The following MPPED2 variants were observed in gnomAD, a reference collection of about 807,000 sequenced individuals.
MPPED2 encodes the protein metallophosphoesterase domain containing 2, also known as metallophosphoesterase MPPED2.
Under a neutral mutation model 33.0 loss-of-function variants are expected in MPPED2, and 5 were observed. That is an observed-to-expected ratio of 0.15 (90% CI 0.08 to 0.32). The LOEUF (loss-of-function observed/expected upper bound fraction) is 0.32. Among genes scored for constraint, MPPED2 ranks in the 10% least tolerant of loss-of-function variants. The probability of loss-of-function intolerance (pLI) is 1.00; values close to 1 mark genes in which losing one functional copy is unlikely to be tolerated. For synonymous variants in MPPED2, 136 were observed against 141.9 expected (o/e 0.96, Z 0.29); for missense variants, 275 against 372.1 (o/e 0.74, Z 2.15).
intron 5 of MPPED2, among the ~76,000 whole-genome samples, chr11:30,415,888 A>T (rs1289023066): frequency 6.6e-6 from 1 of 152,222 alleles, no homozygotes; most frequent in Non-Finnish European, 1.5e-5. Context: ...TCTGCTGAAG[A>T]TGTCCAAGTC....
At position 30,548,026 on chromosome 11, in the gene MPPED2, A is replaced by G. The variant is rs529892273; in HGVS notation, c.129-11851T>C. Among the ~76,000 whole-genome samples, 6 of 152,234 alleles carry G rather than the reference A, an allele frequency of 3.9e-5. No homozygotes were observed. The East Asian group carries it at 9.7e-4, about 25-fold the overall frequency. Reference sequence around the variant, plus strand: ...AATAAAGTGATTAAGAGGTCACTTCAGCAAACAGTGAGGTCACTTACAGAA... The same window carrying G: ...AATAAAGTGATTAAGAGGTCACTTCGGCAAACAGTGAGGTCACTTACAGAA... On this transcript the variant is annotated intron_variant, in intron 2 of 6. Coordinates refer to ENST00000358117, the MANE Select transcript of MPPED2 (RefSeq NM_001584.3).
chr11:30,533,960 A>G (rs1954675691), intron 3 of MPPED2, among the ~76,000 whole-genome samples: 1 of 152,202 alleles, frequency 6.6e-6, no homozygotes, highest in Non-Finnish European at 1.5e-5. Context: ...CCCTTTAAAT[A>G]TATTTTGATG....
chr11:30,451,371 T>C (rs1383942639), intron 4 of MPPED2, among the ~76,000 whole-genome samples: 1 of 152,220 alleles, frequency 6.6e-6, no homozygotes, highest in Non-Finnish European at 1.5e-5. Context: ...AGAAATGCAA[T>C]TCCCACTGCT....
chr11:30,526,178 C>A (rs1954163967), intron 3 of MPPED2, among the ~76,000 whole-genome samples: 1 of 152,110 alleles, frequency 6.6e-6, no homozygotes, highest in South Asian at 2.1e-4. Flanking sequence ...TCAACTGTTA[C>A]TTGTATTAAG....
At chr11:30,416,548 G>GT (rs1189643212) in intron 5 of MPPED2, among the ~76,000 whole-genome samples, 7 of 152,134 alleles carry the variant, frequency 4.6e-5, no homozygotes, top group African/African-American at 1.7e-4. Context: ...TGTATAAAGT[G>GT]TTTTTTCCCT....
intron 2 of MPPED2, among the ~76,000 whole-genome samples, chr11:30,552,509 T>C (rs1041936749): frequency 2.0e-5 from 3 of 152,250 alleles, no homozygotes; most frequent in Non-Finnish European, 4.4e-5. Context: ...TTCATCTTTC[T>C]GCTATGCATT....
chr11:30,453,532 C>T (rs1180950847), intron 4 of MPPED2, among the ~76,000 whole-genome samples: 14 of 152,202 alleles, frequency 9.2e-5, no homozygotes, highest in Admixed American at 3.3e-4. Context: ...CAGTGGTTAA[C>T]GCCAAGCCCT....
At chr11:30,513,595 A>G (rs1953350987) in intron 3 of MPPED2, among the ~76,000 whole-genome samples, 1 of 152,226 alleles carries the variant, frequency 6.6e-6, no homozygotes, top group Non-Finnish European at 1.5e-5. Flanking sequence ...CCAAACAGCC[A>G]TGAAACATAA....
At chr11:30,533,677 A>G (rs1160624998) in intron 3 of MPPED2, among the ~76,000 whole-genome samples, 1 of 152,030 alleles carries the variant, frequency 6.6e-6, no homozygotes, top group Non-Finnish European at 1.5e-5. Context: ...GGCCTTCTCT[A>G]TGGGATCCCA....
At chr11:30,530,894 C>A (rs1954484296) in intron 3 of MPPED2, among the ~76,000 whole-genome samples, 1 of 152,112 alleles carries the variant, frequency 6.6e-6, no homozygotes, top group Non-Finnish European at 1.5e-5. Flanking sequence ...TGGTAAGAGG[C>A]CTTGCAAAAT....
Position 30,440,861 on chromosome 11 carries a change from C to T in MPPED2, c.537-23228G>A, listed in dbSNP as rs543112822. ...GCATGCAGAGGACGCTAAGAAATAC[C>T]ATTACTACCATGTTTCCCAAAGTGT... On this transcript the variant is annotated intron_variant, in intron 4 of 6. Transcript: ENST00000358117. Among the ~76,000 whole-genome samples the T allele has an allele frequency of 1.0e-3, 154 of 152,272 alleles. 1 individual carries two copies. Among genetic ancestry groups the T allele is most frequent in the Non-Finnish European group, 1.8e-3 (121 of 68,020 alleles).
chr11:30,517,315 G>A (rs1197858145), intron 3 of MPPED2, among the ~76,000 whole-genome samples: 6 of 152,168 alleles, frequency 3.9e-5, no homozygotes, highest in East Asian at 1.9e-4. Flanking sequence ...ATTGTTAGTC[G>A]GTGTATATCT....
At chr11:30,566,615 A>C (rs1310386722) in intron 2 of MPPED2, among the ~76,000 whole-genome samples, 3 of 152,202 alleles carry the variant, frequency 2.0e-5, no homozygotes, top group Admixed American at 6.6e-5. Context: ...GGGGAAGCAC[A>C]TGTTAATTCC....
intron 4 of MPPED2, among the ~76,000 whole-genome samples, chr11:30,448,181 G>A (rs1565077211): frequency 6.6e-6 from 1 of 152,272 alleles, no homozygotes; most frequent in African/African-American, 2.4e-5. Context: ...GAGGGGAAAG[G>A]GTTTGCAATG....
At position 30,410,918 on chromosome 11, in the gene MPPED2, A is replaced by G. The variant is rs1948077910; in HGVS notation, c.*550T>C. On this transcript the variant is annotated 3_prime_UTR_variant, in exon 7 of 7. Coordinates refer to ENST00000358117, the MANE Select transcript of MPPED2 (RefSeq NM_001584.3). Reference sequence around the variant, plus strand: ...ATGACAGCCATTTTCTTCTCAATGCAGCTTTCTTTATAGTGAGAGTATGAA... The same window carrying G: ...ATGACAGCCATTTTCTTCTCAATGCGGCTTTCTTTATAGTGAGAGTATGAA... The G allele has an allele frequency of 1.0e-6, 1 of 985,682 alleles. No individual in the cohort carries two copies. The allele number at this position is 985,682 out of a possible 1,614,324, so 61.1% of individuals were successfully genotyped here. A position where few individuals can be genotyped will look rare whatever the true frequency, so the allele number is the denominator to read the frequency against.
chr11:30,411,916 C>G (rs1163205400), intron 6 of MPPED2, among the ~76,000 whole-genome samples: 1 of 151,698 alleles, frequency 6.6e-6, no homozygotes, highest in African/African-American at 2.4e-5. Flanking sequence ...CATTTCAAAG[C>G]CTTGTGTTAA....
chr11:30,469,674 G>T (rs1950866980), intron 4 of MPPED2, among the ~76,000 whole-genome samples: 1 of 152,154 alleles, frequency 6.6e-6, no homozygotes, highest in South Asian at 2.1e-4. Context: ...GCCCTTCAGA[G>T]AGTGCCTCCC....
chr11:30,549,577 C>T (rs1365659606), intron 2 of MPPED2, among the ~76,000 whole-genome samples: 1 of 152,148 alleles, frequency 6.6e-6, no homozygotes, highest in East Asian at 1.9e-4. Flanking sequence ...TCAACTGTCT[C>T]TGTTAAGAGC....
At chr11:30,455,799 G>T (rs1232406323) in intron 4 of MPPED2, among the ~76,000 whole-genome samples, 1 of 152,186 alleles carries the variant, frequency 6.6e-6, no homozygotes, top group African/African-American at 2.4e-5. Context: ...AAGGTAAAGA[G>T]CCCTCACCTG....
Sources: gnomAD v4.1 joint callset for allele counts (sites outside exome capture counted in the v4.1 genomes callset) on GRCh38, gnomAD v4.1.1 for gene constraint, MANE v1.5 for transcripts, NCBI Gene and HGNC (gene_info 2026-07-23, HGNC 2026-07-21) for gene names.